ARHGAP22: variants seen among roughly 807,000 people sequenced by gnomAD.
ARHGAP22 encodes Rho GTPase activating protein 22.
In ARHGAP22, 48 loss-of-function variants were observed where a neutral mutation model predicts 59.1. The ratio of observed to expected loss-of-function variants is 0.81; its 90% confidence interval spans 0.64 to 1.03. ARHGAP22 has a LOEUF of 1.03. Among genes scored for constraint, ARHGAP22 ranks in the 50% least tolerant of loss-of-function variants. ARHGAP22 has a pLI of 0.00. For synonymous variants in ARHGAP22, 445 were observed against 416.4 expected (o/e 1.07, Z -0.84); for missense variants, 1,015 against 958.7 (o/e 1.06, Z -0.78).
intron 2 of ARHGAP22, among the ~76,000 whole-genome samples, chr10:48,577,467 C>G (rs2058792928): frequency 6.6e-6 from 1 of 152,108 alleles, no homozygotes; most frequent in South Asian, 2.1e-4. Flanking sequence ...CAGGAGGGTC[C>G]ACCTCCGCCA....
chr10:48,590,658 C>T (rs954043611), intron 1 of ARHGAP22, among the ~76,000 whole-genome samples: 7 of 152,186 alleles, frequency 4.6e-5, no homozygotes, highest in Admixed American at 2.0e-4. Context: ...GACTACAGGT[C>T]GCGCTGTGCC....
At position 48,604,763 on chromosome 10, in the gene ARHGAP22, C is replaced by T. The variant is rs752120292; in HGVS notation, c.34G>A (p.Ala12Thr). ...LSPKIRQARRARSKSLVMGEQ... is the reference protein window; with the variant it reads ...LSPKIRQARRTRSKSLVMGEQ... The stretch of plus-strand genomic sequence containing the variant: ...AGAAACCCCAGAAAGTTGGACTTAC[C>T]CCTCCTGGCCTGCCTGATCTTTGGG... The change falls in exon 1 of 10, where the codon GCC becomes ACC. Residue 12 changes from alanine (A) to threonine (T), a missense_variant and splice_region_variant. Coordinates refer to ENST00000249601, the MANE Select transcript of ARHGAP22 (RefSeq NM_021226.4). The T allele has an allele frequency of 1.2e-6, 2 of 1,614,094 alleles. No homozygotes were observed. The highest frequency in any genetic ancestry group is 2.2e-5 in the East Asian group (1 of 44,878).
At chr10:48,602,982 G>A (rs1454105313) in intron 1 of ARHGAP22, among the ~76,000 whole-genome samples, 3 of 152,212 alleles carry the variant, frequency 2.0e-5, no homozygotes, top group African/African-American at 7.2e-5. Flanking sequence ...AGGCATGCAT[G>A]TGCGCACATG....
intron 3 of ARHGAP22, among the ~76,000 whole-genome samples, chr10:48,490,011 G>A (rs2050223304): frequency 6.6e-6 from 1 of 152,158 alleles, no homozygotes; most frequent in Non-Finnish European, 1.5e-5. Context: ...GGGATTACAG[G>A]TGTAAGCCAC....
At chr10:48,508,281 G>C (rs1167208631) in intron 3 of ARHGAP22, among the ~76,000 whole-genome samples, 1 of 152,248 alleles carries the variant, frequency 6.6e-6, no homozygotes, top group African/African-American at 2.4e-5. Context: ...CACTGCTCAG[G>C]TAGCGGCCAT....
intron 5 of ARHGAP22, among the ~76,000 whole-genome samples, chr10:48,459,346 G>A (rs1179070626): frequency 1.3e-4 from 6 of 44,650 alleles, no homozygotes; most frequent in African/African-American, 1.7e-4. Context: ...GACAGACCCC[G>A]CAGAAGGCCT....
rs187995511 is a variant in ARHGAP22, at chr10:48,621,629, C to T, written c.52+30605G>A. ...GTGGCCTCAGCCTTCAAACTCAGGG[C>T]ATGTTGGGGCATGGAGTGGTGCCTG... is the stretch of plus-strand genomic sequence containing the variant. On this transcript the variant is annotated intron_variant, in intron 1 of 9. Transcript: ENST00000435790. 3.6e-4 allele frequency among the ~76,000 whole-genome samples: 55 copies of T among 152,266 alleles called. No individual in the cohort carries two copies. In the East Asian group the frequency reaches 7.9e-3, roughly 22 times the overall value.
chr10:48,435,334 T>G, the ARHGAP22 span: 1 of 247,714 alleles, frequency 4.0e-6, no homozygotes, highest in Non-Finnish European at 7.6e-6. Flanking sequence ...GCTGCTGATT[T>G]TTTTAACTGA....
In ARHGAP22 at chr10:48,450,936, C is replaced by A. The variant is rs2133587050; in HGVS notation, c.1193G>T (p.Gly398Val). ...TCTGGAGAGCACCGCCACGGCCGCC[C>A]CGTCCAGGGAAGAGGTCCTGTGCGC... ...LPAHRTSSLD[G>V]AAVAVLSRTA... is the part of the protein sequence containing the mutation. The change falls in exon 9 of 10, where the codon GGG (glycine) becomes GTG (valine). Residue 398 changes from glycine to valine, a missense_variant. By Grantham distance (109) the Gly-to-Val change is moderately radical (BLOSUM62 -3). Coordinates refer to ENST00000249601, the MANE Select transcript of ARHGAP22 (RefSeq NM_021226.4). The A allele has an allele frequency of 6.3e-7, 1 of 1,587,700 alleles. No homozygotes were observed. Among genetic ancestry groups the A allele is most frequent in the Non-Finnish European group, 8.6e-7 (1 of 1,167,948 alleles).
Position 48,450,632 on chromosome 10 carries a change from G to T in ARHGAP22, c.1497C>A (p.Gly499=). ...LSTYDNVPAP[G]LVPGIPSVAS... ...CCACGCTGGGTATGCCGGGGACCAG[G>T]CCCGGCGCGGGCACATTGTCGTAGG... The change falls in exon 9 of 10, where the codon GGC becomes GGA. Residue 499 remains glycine, a synonymous_variant. Transcript: ENST00000249601. The T allele has an allele frequency of 1.3e-6, 2 of 1,549,514 alleles. No individual in the cohort carries two copies. Among genetic ancestry groups the T allele is most frequent in the Non-Finnish European group, 8.7e-7 (1 of 1,146,926 alleles).
At chr10:48,548,995 C>T (rs1474923473) in intron 3 of ARHGAP22, among the ~76,000 whole-genome samples, 2 of 152,198 alleles carry the variant, frequency 1.3e-5, no homozygotes, top group East Asian at 3.8e-4. Flanking sequence ...TTGTCAGAGT[C>T]CCAGGGGCCT....
chr10:48,600,234 C>A (rs575876209), intron 1 of ARHGAP22, among the ~76,000 whole-genome samples: 1 of 152,240 alleles, frequency 6.6e-6, no homozygotes, highest in East Asian at 1.9e-4. Flanking sequence ...AGTGGAAGGA[C>A]TGTTTGTGGC....
At chr10:48,558,309 CTTAT>C (rs1232068770) in intron 2 of ARHGAP22, among the ~76,000 whole-genome samples, 1 of 151,394 alleles carries the variant, frequency 6.6e-6, no homozygotes, top group African/African-American at 2.4e-5. Context: ...TTTACTATAA[CTTAT>C]TTATCAGTAG....
chr10:48,540,294 T>C (rs1344702452), intron 3 of ARHGAP22, among the ~76,000 whole-genome samples: 9 of 152,212 alleles, frequency 5.9e-5, no homozygotes, highest in African/African-American at 1.2e-4. Context: ...TGGAGTGCAA[T>C]GGCACAATCT....
chr10:48,526,468 G>GA (rs370887814), intron 3 of ARHGAP22, among the ~76,000 whole-genome samples: 84 of 152,278 alleles, frequency 5.5e-4, no homozygotes, highest in African/African-American at 1.9e-3. Flanking sequence ...GAGTAACTGA[G>GA]AAAAAACAGA....
At chr10:48,588,878 C>T (rs2377519) in intron 1 of ARHGAP22, among the ~76,000 whole-genome samples, 106,152 of 152,008 alleles carry the variant, frequency 0.7, 38,340 homozygotes, top group East Asian at 0.99. Context: ...TGCTATAGAC[C>T]TCTGCTGAGG....
At chr10:48,547,204 C>T (rs935271) in intron 3 of ARHGAP22, among the ~76,000 whole-genome samples, 1 of 152,160 alleles carries the variant, frequency 6.6e-6, no homozygotes, top group Admixed American at 6.5e-5. Context: ...CATGCAGACA[C>T]CAGCTTGCCT....
chr10:48,535,875 C>T (rs1038542834), intron 3 of ARHGAP22, among the ~76,000 whole-genome samples: 21 of 152,190 alleles, frequency 1.4e-4, no homozygotes, highest in Admixed American at 7.9e-4. Flanking sequence ...GGCAAATGCC[C>T]GACACCCTTC....
At chr10:48,443,958 G>C (rs1292854354), downstream of ARHGAP22, 2 of 151,984 alleles carry the variant, frequency 1.3e-5, no homozygotes, top group African/African-American at 4.8e-5. Context: ...TGTTTTTTTA[G>C]TGAGACATTC....
Sources: gnomAD v4.1 joint callset for allele counts (sites outside exome capture counted in the v4.1 genomes callset) on GRCh38, gnomAD v4.1.1 for gene constraint, MANE v1.5 for transcripts, NCBI Gene and HGNC (gene_info 2026-07-23, HGNC 2026-07-21) for gene names.